The following GARRE1 variants were observed in gnomAD, a reference collection of about 807,000 sequenced individuals.
The protein encoded by GARRE1 is granule associated Rac and RHOG effector 1, also known as granule associated Rac and RHOG effector protein 1.
In GARRE1, 49 loss-of-function variants were observed where a neutral mutation model predicts 103.2. That is an observed-to-expected ratio of 0.47 (90% CI 0.38 to 0.60). GARRE1 has a LOEUF of 0.60. GARRE1 is among the 20% of genes least tolerant of loss of function. The probability of loss-of-function intolerance (pLI) is 0.00; values close to 1 mark genes in which losing one functional copy is unlikely to be tolerated. For missense variants in GARRE1, 1,199 were observed against 1,370.5 expected (o/e 0.87, Z 1.98); for synonymous variants, 505 against 532.8 (o/e 0.95, Z 0.72).
chr19:34,307,718 C>CAA (rs1252521608), intron 2 of GARRE1, among the ~76,000 whole-genome samples: 1 of 121,420 alleles, frequency 8.2e-6, no homozygotes, highest in African/African-American at 2.9e-5. Context: ...TATATATATA[C>CAA]TATATATACA....
intron 2 of GARRE1, among the ~76,000 whole-genome samples, chr19:34,312,943 A>T (rs777053113): frequency 4.6e-5 from 7 of 152,178 alleles, no homozygotes; most frequent in Non-Finnish European, 1.0e-4. Flanking sequence ...AATAAAAATA[A>T]AAATAATAAA....
intron 1 of GARRE1, among the ~76,000 whole-genome samples, chr19:34,257,000 G>T (rs2073677425): frequency 6.6e-6 from 1 of 152,024 alleles, no homozygotes; most frequent in Non-Finnish European, 1.5e-5. Flanking sequence ...CAACTTTTCA[G>T]TGTGGCATTT....
At chr19:34,272,149 T>C (rs1295567626) in intron 1 of GARRE1, among the ~76,000 whole-genome samples, 1 of 151,966 alleles carries the variant, frequency 6.6e-6, no homozygotes, top group South Asian at 2.1e-4. Flanking sequence ...GGGTTAAAAG[T>C]TGGTTGTGCC....
chr19:34,332,776 A>G (rs2074143536), intron 7 of GARRE1, among the ~76,000 whole-genome samples: 1 of 152,076 alleles, frequency 6.6e-6, no homozygotes, highest in African/African-American at 2.4e-5. Flanking sequence ...ATATTTTATG[A>G]TTTTTTAAAA....
intron 3 of GARRE1, among the ~76,000 whole-genome samples, chr19:34,321,876 G>A (rs184385173): frequency 1.4e-3 from 207 of 152,300 alleles, no homozygotes; most frequent in Non-Finnish European, 2.6e-3. Flanking sequence ...TGAGTGGTTG[G>A]CTCCCTAGTG....
At chr19:34,352,530 A>G in intron 13 of GARRE1, 117 bp from the exon 14 acceptor site, 1 of 790,144 alleles carries the variant, frequency 1.3e-6, no homozygotes, top group Non-Finnish European at 2.2e-6. Flanking sequence ...GGGGTGTGGG[A>G]GTGAGTGGGG....
chr19:34,288,099 C>T (rs2073897371), intron 1 of GARRE1, among the ~76,000 whole-genome samples: 1 of 152,088 alleles, frequency 6.6e-6, no homozygotes, highest in South Asian at 2.1e-4. Context: ...TTAGGCCTCC[C>T]CTGCTTGGTC....
chr19:34,301,410 A>G (rs545368437), intron 2 of GARRE1, among the ~76,000 whole-genome samples: 1 of 151,762 alleles, frequency 6.6e-6, no homozygotes, highest in African/African-American at 2.4e-5. Context: ...AGAAGCCCAG[A>G]AGCTGAGGTG....
At chr19:34,306,775 G>A (rs1157947234) in intron 2 of GARRE1, among the ~76,000 whole-genome samples, 1 of 152,134 alleles carries the variant, frequency 6.6e-6, no homozygotes, top group Non-Finnish European at 1.5e-5. Context: ...AAGAATCAAA[G>A]TGACTTGTGA....
chr19:34,326,876 C>T (rs946673187), intron 3 of GARRE1, among the ~76,000 whole-genome samples: 14 of 151,858 alleles, frequency 9.2e-5, no homozygotes, highest in African/African-American at 2.7e-4. Flanking sequence ...AGATTTCGGC[C>T]GGGCTCGGTG....
intron 7 of GARRE1, among the ~76,000 whole-genome samples, chr19:34,332,451 T>TA (rs75968700): frequency 5.4e-4 from 77 of 143,208 alleles, no homozygotes; most frequent in Middle Eastern, 7.1e-3. Flanking sequence ...CACTGTAGAT[T>TA]AAAAAAAAAA....
intron 1 of GARRE1, among the ~76,000 whole-genome samples, chr19:34,281,246 C>T (rs1395905643): frequency 6.6e-6 from 1 of 152,096 alleles, no homozygotes; most frequent in Non-Finnish European, 1.5e-5. Context: ...TCAGCCTCAT[C>T]AGTAGCTGGG....
chr19:34,269,617 CAGTGG>C (rs1224465714), intron 1 of GARRE1, among the ~76,000 whole-genome samples: 8 of 152,070 alleles, frequency 5.3e-5, no homozygotes. Context: ...GGCTGGAGTG[CAGTGG>C]CATGATCATA....
chr19:34,329,916 A>G (rs1410859737), intron 6 of GARRE1, among the ~76,000 whole-genome samples: 5 of 152,164 alleles, frequency 3.3e-5, no homozygotes, highest in Admixed American at 1.3e-4. Flanking sequence ...CACGTCTACA[A>G]AAAATTTAAA....
intron 1 of GARRE1, among the ~76,000 whole-genome samples, chr19:34,270,193 A>C (rs1359329304): frequency 6.6e-6 from 1 of 152,204 alleles, no homozygotes; most frequent in Non-Finnish European, 1.5e-5. Context: ...CTAAGCAGTG[A>C]TTTTAGGTGG....
rs1319166780 is a variant in GARRE1, at chr19:34,355,292, A to C, written c.*2337A>C. The stretch of plus-strand genomic sequence containing the variant: ...GTGTGAAGCCGTTTGTGTGGTCTCC[A>C]TGTAGGTGCTGTGTTCCCGGCACCG... On this transcript the variant is annotated 3_prime_UTR_variant, in exon 14 of 14. Coordinates refer to ENST00000299505, the MANE Select transcript of GARRE1 (RefSeq NM_014686.5). 6.6e-6 allele frequency: 1 copy of C among 152,660 alleles called. No homozygotes were observed. Among genetic ancestry groups the C allele is most frequent in the African/African-American group, 2.4e-5 (1 of 41,452 alleles). 9.5% of individuals were successfully genotyped at this position (152,660 alleles called of 1,614,324 possible).
intron 2 of GARRE1, among the ~76,000 whole-genome samples, chr19:34,308,135 A>G (rs986442449): frequency 6.6e-6 from 1 of 151,986 alleles, no homozygotes; most frequent in African/African-American, 2.4e-5. Flanking sequence ...GGATAGATAT[A>G]TACCAGAAAT....
At chr19:34,337,874 C>A (rs570113074) in intron 8 of GARRE1, among the ~76,000 whole-genome samples, 9 of 152,184 alleles carry the variant, frequency 5.9e-5, no homozygotes, top group Non-Finnish European at 1.0e-4. Context: ...CAAGTCACAA[C>A]CAGACTTGGC....
At chr19:34,258,105 G>T (rs1282678507) in intron 1 of GARRE1, among the ~76,000 whole-genome samples, 1 of 151,958 alleles carries the variant, frequency 6.6e-6, no homozygotes, top group Non-Finnish European at 1.5e-5. Flanking sequence ...GGCCAGGCTG[G>T]TCTTGAACTC....
Sources: allele counts gnomAD v4.1 joint callset (sites outside exome capture counted in the v4.1 genomes callset), GRCh38; gene constraint gnomAD v4.1.1; transcripts MANE v1.5; gene names NCBI Gene and HGNC (gene_info 2026-07-23, HGNC 2026-07-21).